Variants in KCTD16 observed in about 807,000 individuals in gnomAD.
The protein encoded by KCTD16 is BTB/POZ domain-containing protein KCTD16.
A neutral mutation model predicts 33.2 loss-of-function variants in KCTD16; 13 were observed. That is an observed-to-expected ratio of 0.39 (90% confidence interval 0.25 to 0.62). KCTD16 has a LOEUF of 0.62. Ranked by LOEUF, KCTD16 falls within the 20% of genes least tolerant of loss-of-function variation. The pLI is 0.50. For missense variants in KCTD16, 441 were observed against 525.1 expected, an observed-to-expected ratio of 0.84 and a Z score of 1.57; for synonymous variants, 197 against 195.3, an observed-to-expected ratio of 1.01 and a Z score of -0.07.
chr5:144,421,345 A>G (rs1457958893), intron 3 of KCTD16, among the ~76,000 whole-genome samples: 1 of 152,062 alleles, frequency 6.6e-6, no homozygotes, highest in Non-Finnish European at 1.5e-5. Context: ...CCTGTGTCCA[A>G]ATTTGTTTTT....
chr5:144,471,410 T>G (rs1754470470), intron 3 of KCTD16, among the ~76,000 whole-genome samples: 1 of 152,226 alleles, frequency 6.6e-6, no homozygotes. Context: ...ATTTCTTCTC[T>G]TCTTCCTTTT....
intron 3 of KCTD16, among the ~76,000 whole-genome samples, chr5:144,382,305 A>G (rs73303966): frequency 0.045 from 6,882 of 152,252 alleles, 301 homozygotes; most frequent in African/African-American, 0.11. Flanking sequence ...GGGTGACTAA[A>G]TCATTTGTAC....
intron 3 of KCTD16, among the ~76,000 whole-genome samples, chr5:144,292,491 A>G (rs1755921671): frequency 6.6e-6 from 1 of 152,164 alleles, no homozygotes; most frequent in South Asian, 2.1e-4. Flanking sequence ...TTCAGTGCAC[A>G]TAGGTGAAAT....
chr5:144,263,538 A>G (rs1042813513), intron 3 of KCTD16, among the ~76,000 whole-genome samples: 1 of 152,120 alleles, frequency 6.6e-6, no homozygotes, highest in African/African-American at 2.4e-5. Flanking sequence ...CCTTCTTTTC[A>G]TGGCTAATTA....
chr5:144,305,144 T>C (rs1380675385), intron 3 of KCTD16, among the ~76,000 whole-genome samples: 1 of 152,134 alleles, frequency 6.6e-6, no homozygotes, highest in Non-Finnish European at 1.5e-5. Context: ...GACCCTCTCT[T>C]AACCTCAATC....
At chr5:144,422,865 G>A (rs910230606) in intron 3 of KCTD16, among the ~76,000 whole-genome samples, 6 of 152,170 alleles carry the variant, frequency 3.9e-5, no homozygotes, top group African/African-American at 1.4e-4. Context: ...GTGGATGTTA[G>A]GAGGTGAAAG....
At chr5:144,358,911 T>A (rs913269093) in intron 3 of KCTD16, among the ~76,000 whole-genome samples, 1 of 152,136 alleles carries the variant, frequency 6.6e-6, no homozygotes, top group Non-Finnish European at 1.5e-5. Flanking sequence ...AGGGCCAGGA[T>A]TTCCCCATAT....
intron 3 of KCTD16, among the ~76,000 whole-genome samples, chr5:144,267,852 T>G (rs1322971437): frequency 6.6e-6 from 1 of 152,146 alleles, no homozygotes; most frequent in Non-Finnish European, 1.5e-5. Flanking sequence ...CAAAATAAAC[T>G]CATCTGAAGG....
At chr5:144,397,794 G>C (rs562389021) in intron 3 of KCTD16, among the ~76,000 whole-genome samples, 3 of 152,106 alleles carry the variant, frequency 2.0e-5, no homozygotes, top group African/African-American at 7.2e-5. Flanking sequence ...ACTATACTAC[G>C]AGGCTGAATT....
chr5:144,261,185 GAAA>G (rs1285619770), intron 3 of KCTD16, among the ~76,000 whole-genome samples: 1 of 92,458 alleles, frequency 1.1e-5, no homozygotes, highest in South Asian at 3.2e-4. Flanking sequence ...AAAAAAAAAA[GAAA>G]AAAAAAAAAG....
At chr5:144,277,586 T>C (rs1755473594) in intron 3 of KCTD16, among the ~76,000 whole-genome samples, 1 of 152,246 alleles carries the variant, frequency 6.6e-6, no homozygotes, top group Admixed American at 6.5e-5. Context: ...GGGCCAGCAT[T>C]ATCAATGTGA....
chr5:144,418,432 A>C (rs1753133418), intron 3 of KCTD16, among the ~76,000 whole-genome samples: 1 of 152,130 alleles, frequency 6.6e-6, no homozygotes, highest in Admixed American at 6.5e-5. Context: ...CCGTTTTTAC[A>C]GAGTGCTGAT....
intron 3 of KCTD16, among the ~76,000 whole-genome samples, chr5:144,293,929 G>T (rs766438867): frequency 6.6e-6 from 1 of 152,198 alleles, no homozygotes; most frequent in Non-Finnish European, 1.5e-5. Context: ...GGAGGCCAAG[G>T]CAGGTGGATC....
At chr5:144,441,887 T>C (rs951971360) in intron 3 of KCTD16, among the ~76,000 whole-genome samples, 8 of 151,984 alleles carry the variant, frequency 5.3e-5, no homozygotes, top group Admixed American at 3.3e-4. Flanking sequence ...GGATTTTTGT[T>C]GGAGATTGCA....
chr5:144,278,647 G>A (rs868747001), intron 3 of KCTD16, among the ~76,000 whole-genome samples: 3 of 151,412 alleles, frequency 2.0e-5, no homozygotes, highest in Admixed American at 6.6e-5. Context: ...ACAGGCGCCC[G>A]CCACCGCGCC....
rs555516643 is a variant in KCTD16, at chr5:144,467,887, TG to T, written c.833-5770del. On this transcript the variant is annotated intron_variant, in intron 3 of 3. Transcript: ENST00000512467. ...TATTTGTGATGCCAGGACTGGGATT[TG>T]GGTTAACCACACAGGCTAACTACAC... Among the ~76,000 whole-genome samples, 737 of 152,258 alleles carry T rather than the reference TG, an allele frequency of 4.8e-3. 2 individuals are homozygous for T. The highest frequency in any genetic ancestry group is 0.017 in the Middle Eastern group (5 of 294).
At chr5:144,184,132 CT>C (rs2126775604) in intron 2 of KCTD16, among the ~76,000 whole-genome samples, 1 of 152,198 alleles carries the variant, frequency 6.6e-6, no homozygotes, top group African/African-American at 2.4e-5. Flanking sequence ...ATAAAATTTG[CT>C]GTCTTAACTA....
Position 144,329,321 on chromosome 5 carries a change from C to T in KCTD16, c.832+121775C>T, listed in dbSNP as rs73792395. The stretch of plus-strand genomic sequence containing the variant: ...TAATCATTAGGATGCTTCATCTCTG[C>T]AGGCTGATAGGATTTATGACCCCAG... On this transcript the variant is annotated intron_variant, in intron 3 of 3. Transcript: ENST00000512467. Among the ~76,000 whole-genome samples, 292 of 152,232 alleles carry T rather than the reference C, an allele frequency of 1.9e-3. 2 individuals carry two copies. The highest frequency in any genetic ancestry group is 6.4e-3 in the African/African-American group (264 of 41,538).
chr5:144,343,114 C>T (rs550714684), intron 3 of KCTD16, among the ~76,000 whole-genome samples: 80 of 152,212 alleles, frequency 5.3e-4, no homozygotes, highest in African/African-American at 1.7e-3. Flanking sequence ...GGGAGGATTC[C>T]CTCTTTTTCT....
Sources: allele counts gnomAD v4.1 joint callset (sites outside exome capture counted in the v4.1 genomes callset), GRCh38; gene constraint gnomAD v4.1.1; transcripts MANE v1.5; gene names NCBI Gene and HGNC (gene_info 2026-07-23, HGNC 2026-07-21).